Variants in USO1 observed in about 807,000 individuals in gnomAD.
USO1 encodes the protein USO1 vesicle transport factor.
USO1 carries 57 observed loss-of-function variants against 124.5 expected under a neutral mutation model. The observed-to-expected ratio is 0.46, with a 90% CI of 0.37 to 0.57. The LOEUF is 0.57. Among genes scored for constraint, USO1 ranks in the 20% least tolerant of loss-of-function variants. USO1 has a pLI of 0.00. For synonymous variants in USO1, 369 were observed against 362.8 expected (o/e 1.02, Z -0.19); for missense variants, 900 against 1,040.6 (o/e 0.86, Z 1.86).
rs374345450 is a variant in USO1 at position 75,812,309 on chromosome 4, G to A, written c.2733G>A (p.Val911=). The change falls in exon 23 of 24, where the codon GTG becomes GTA. Residue 911 remains valine, a synonymous_variant. Transcript: ENST00000514213. ...DSKKEQDDLL[V]LLADQDQKIL... ...AAAAAGAACAAGATGATCTCTTGGT[G>A]CTCTTGGCCGATCAAGATCAGAAAA... The A allele has an allele frequency of 6.9e-5, 111 of 1,606,062 alleles. No homozygotes were observed. The highest frequency in any genetic ancestry group is 2.4e-4 in the African/African-American group (18 of 74,836).
chr4:75,752,737 G>A (rs1177277314), intron 3 of USO1, 133 bp downstream of exon 3: 14 of 384,170 alleles, frequency 3.6e-5, no homozygotes, highest in African/African-American at 8.3e-5. Context: ...TGTTGCCCAC[G>A]CTGGTCTCGA....
intron 7 of USO1, 51 bp downstream of exon 7, chr4:75,771,188 T>G: frequency 3.3e-6 from 5 of 1,537,760 alleles, no homozygotes; most frequent in Non-Finnish European, 4.4e-6. Flanking sequence ...TTTTTTTCTC[T>G]TGCAAATGAA....
chr4:75,779,361 C>T (rs978822756), intron 8 of USO1, among the ~76,000 whole-genome samples: 5 of 152,204 alleles, frequency 3.3e-5, no homozygotes, highest in African/African-American at 1.2e-4. Context: ...TAAGCTTTCT[C>T]TGCTGAAGAT....
chr4:75,763,923 T>G (rs1310393328), intron 4 of USO1, among the ~76,000 whole-genome samples: 6 of 152,196 alleles, frequency 3.9e-5, no homozygotes, highest in Admixed American at 3.9e-4. Flanking sequence ...AATTTACTGC[T>G]ACACTTAAAG....
chr4:75,791,224 C>A (rs960637936), intron 12 of USO1, among the ~76,000 whole-genome samples: 3 of 152,116 alleles, frequency 2.0e-5, no homozygotes, highest in African/African-American at 7.2e-5. Flanking sequence ...TTATAATTGT[C>A]ATTCTAAAGA....
rs113899873 is a variant in USO1, at chr4:75,785,927, A to T, written c.856-1135A>T. Among the ~76,000 whole-genome samples the T allele has an allele frequency of 7.9e-3, 1,208 of 152,282 alleles. 17 individuals are homozygous for T. Among genetic ancestry groups the T allele is most frequent in the African/African-American group, 0.027 (1,136 of 41,568 alleles). ...AAAAACACCAGAAATCTCACTAGAAAAGTCCAAGGACAGGAACCAATGTAA... is the reference window on the plus strand; with the variant it reads ...AAAAACACCAGAAATCTCACTAGAATAGTCCAAGGACAGGAACCAATGTAA... On this transcript the variant is annotated intron_variant, in intron 9 of 23. Coordinates refer to ENST00000514213, the MANE Select transcript of USO1 (RefSeq NM_003715.4).
intron 1 of USO1, among the ~76,000 whole-genome samples, chr4:75,733,262 A>T (rs189675809): frequency 6.6e-4 from 101 of 152,266 alleles, no homozygotes; most frequent in African/African-American, 2.4e-3. Flanking sequence ...CTGTCTCAAA[A>T]AAAAAATTAA....
intron 1 of USO1, chr4:75,745,187 T>A (rs973970525): frequency 6.9e-6 from 2 of 291,856 alleles, no homozygotes; most frequent in Admixed American, 4.8e-5. Flanking sequence ...AAAGTGAGTA[T>A]ATTAATCCTT....
At chr4:75,731,323 A>C (rs1720624453) in intron 1 of USO1, among the ~76,000 whole-genome samples, 1 of 152,212 alleles carries the variant, frequency 6.6e-6, no homozygotes, top group Non-Finnish European at 1.5e-5. Context: ...GCACTTTGGT[A>C]GGCTGAGGCG....
intron 4 of USO1, among the ~76,000 whole-genome samples, chr4:75,767,043 ATTTG>A (rs1721785210): frequency 6.6e-6 from 1 of 152,052 alleles, no homozygotes; most frequent in Non-Finnish European, 1.5e-5. Context: ...TACTTTCTTC[ATTTG>A]TTTGTCAGTC....
At chr4:75,759,624 A>T (rs1721544788) in intron 4 of USO1, among the ~76,000 whole-genome samples, 1 of 142,196 alleles carries the variant, frequency 7.0e-6, no homozygotes, top group South Asian at 2.2e-4. Context: ...GAAAGTAGAC[A>T]TTGGCTGGGC....
Position 75,765,373 on chromosome 4 carries a change from G to C in USO1, c.296-5066G>C, listed in dbSNP as rs116271074. On this transcript the variant is annotated intron_variant, in intron 4 of 23. Transcript: ENST00000514213. Reference sequence around the variant, plus strand: ...CATCTCCATGATTTGTTAGGGTTCTGGGGTGGCTTAAAAAACAAGGTAGGC... The same window carrying C: ...CATCTCCATGATTTGTTAGGGTTCTCGGGTGGCTTAAAAAACAAGGTAGGC... 5.9e-3 allele frequency among the ~76,000 whole-genome samples: 902 copies of C among 152,186 alleles called. 15 individuals carry two copies. Among genetic ancestry groups the C allele is most frequent in the African/African-American group, 0.021 (855 of 41,530 alleles).
At chr4:75,771,345 C>A (rs1361232242) in intron 7 of USO1, among the ~76,000 whole-genome samples, 1 of 152,174 alleles carries the variant, frequency 6.6e-6, no homozygotes, top group Non-Finnish European at 1.5e-5. Flanking sequence ...AGCAATCCTC[C>A]TGTCTTGGCC....
chr4:75,743,231 C>G (rs954823298), intron 1 of USO1, among the ~76,000 whole-genome samples: 1 of 152,036 alleles, frequency 6.6e-6, no homozygotes, highest in African/African-American at 2.4e-5. Context: ...GTGATCCACC[C>G]GTGTCGGCCT....
intron 4 of USO1, among the ~76,000 whole-genome samples, chr4:75,769,961 C>T (rs942535080): frequency 6.6e-6 from 1 of 151,922 alleles, no homozygotes; most frequent in African/African-American, 2.4e-5. Flanking sequence ...TTATTTAACC[C>T]AGTAACACTA....
chr4:75,730,062 G>A (rs1720585521), intron 1 of USO1: 2 of 251,734 alleles, frequency 7.9e-6, no homozygotes, highest in South Asian at 7.5e-5. Flanking sequence ...TTCTCTCTTG[G>A]CCTGTTTTGC....
chr4:75,741,456 C>T (rs983101829), intron 1 of USO1, among the ~76,000 whole-genome samples: 4 of 152,060 alleles, frequency 2.6e-5, no homozygotes, highest in Non-Finnish European at 5.9e-5. Context: ...TTTACTATAA[C>T]TTTTTAACTT....
At position 75,770,507 on chromosome 4, in the gene USO1, G is replaced by T; in HGVS notation, c.364G>T (p.Glu122Ter). ...TACAGAAATTTTCATTAAGCAGCAG[G>T]AAAATGTCACTCTTCTGTTATCTTT... The part of the protein sequence containing the change: ...QFTEIFIKQQ[E>*]NVTLLLSLLE... The change falls in exon 5 of 24, where the codon GAA (glutamate) becomes TAA (stop). Residue 122 changes from glutamate (E) to a stop codon, truncating the protein, a stop_gained. Coordinates refer to ENST00000514213, the MANE Select transcript of USO1 (RefSeq NM_003715.4). LOFTEE classifies it high-confidence loss of function. 1 of 1,594,664 alleles carries T rather than the reference G, an allele frequency of 6.3e-7. No individual in the cohort carries two copies. Among genetic ancestry groups the T allele is most frequent in the East Asian group, 2.3e-5 (1 of 44,162 alleles).
At chr4:75,771,854 GT>G (rs1420779465) in intron 7 of USO1, among the ~76,000 whole-genome samples, 1 of 152,166 alleles carries the variant, frequency 6.6e-6, no homozygotes, top group African/African-American at 2.4e-5. Flanking sequence ...TAAAAATTCT[GT>G]AATATTTAAA....
Sources: gnomAD v4.1 joint callset for allele counts (sites outside exome capture counted in the v4.1 genomes callset) on GRCh38, gnomAD v4.1.1 for gene constraint, MANE v1.5 for transcripts, NCBI Gene and HGNC (gene_info 2026-07-23, HGNC 2026-07-21) for gene names.